The following KLF12 variants were observed in gnomAD, a reference collection of about 807,000 sequenced individuals.
KLF12 encodes KLF transcription factor 12.
In KLF12, 9 loss-of-function variants were observed where a neutral mutation model predicts 37.8. That is an observed-to-expected ratio of 0.24 (90% CI 0.14 to 0.42). The LOEUF (loss-of-function observed/expected upper bound fraction) is 0.42, where lower values mean the gene tolerates loss of function less well. Among genes scored for constraint, KLF12 ranks in the 10% least tolerant of loss-of-function variants. The pLI, the probability that KLF12 is intolerant of heterozygous loss-of-function variation, is 1.00. For synonymous variants in KLF12, 208 were observed against 202.1 expected, an observed-to-expected ratio of 1.03 and a Z score of -0.25; for missense variants, 411 against 516.0, an observed-to-expected ratio of 0.80 and a Z score of 1.97.
At chr13:74,130,120 G>A (rs1312871639) in intron 1 of KLF12, among the ~76,000 whole-genome samples, 1 of 152,184 alleles carries the variant, frequency 6.6e-6, no homozygotes, top group Admixed American at 6.5e-5. Context: ...GAGTGGTTGT[G>A]GTAGATGAGT....
At chr13:73,859,821 A>G (rs532780955) in intron 3 of KLF12, among the ~76,000 whole-genome samples, 24 of 152,294 alleles carry the variant, frequency 1.6e-4, no homozygotes, top group African/African-American at 5.8e-4. Flanking sequence ...GGAAAAAAAA[A>G]AATCCGAAAC....
chr13:74,278,323 A>T, the KLF12 span, among the ~76,000 whole-genome samples: 1 of 152,212 alleles, frequency 6.6e-6, no homozygotes, highest in Admixed American at 6.5e-5. Context: ...AGATGACCAG[A>T]AACAACAGCT....
chr13:74,183,489 C>A, the KLF12 span, among the ~76,000 whole-genome samples: 1 of 152,152 alleles, frequency 6.6e-6, no homozygotes. Context: ...TCAGAAAACA[C>A]TTTAATGTTC....
intron 1 of KLF12, among the ~76,000 whole-genome samples, chr13:74,025,316 C>CA (rs547339290): frequency 0.02 from 2,481 of 126,566 alleles, 48 homozygotes; most frequent in African/African-American, 0.05. Flanking sequence ...CATAATTCTA[C>CA]AAAAAAAAAA....
chr13:74,124,801 G>A (rs965599398), intron 1 of KLF12, among the ~76,000 whole-genome samples: 1 of 152,124 alleles, frequency 6.6e-6, no homozygotes, highest in African/African-American at 2.4e-5. Flanking sequence ...AATCACCACA[G>A]CTGCCAAAAT....
At chr13:74,005,460 G>A (rs533064307) in intron 1 of KLF12, among the ~76,000 whole-genome samples, 7 of 152,234 alleles carry the variant, frequency 4.6e-5, no homozygotes, top group Non-Finnish European at 8.8e-5. Context: ...AAAAAGGCTG[G>A]CAGCGGTATG....
At chr13:73,885,500 G>T (rs1200709594) in intron 3 of KLF12, among the ~76,000 whole-genome samples, 1 of 152,120 alleles carries the variant, frequency 6.6e-6, no homozygotes, top group Non-Finnish European at 1.5e-5. Flanking sequence ...ATTCACACTT[G>T]CCCTCATCAC....
chr13:73,903,990 C>CA (rs1185338103), intron 3 of KLF12, among the ~76,000 whole-genome samples: 2 of 152,144 alleles, frequency 1.3e-5, no homozygotes, highest in East Asian at 1.9e-4. Context: ...GCCCTGGTGC[C>CA]AAAAAAGGTG....
At chr13:73,810,974 TTTTC>T (rs1248945543) in intron 5 of KLF12, among the ~76,000 whole-genome samples, 3 of 117,240 alleles carry the variant, frequency 2.6e-5, no homozygotes, top group South Asian at 2.9e-4. Flanking sequence ...TTTTTTTAAT[TTTTC>T]TTTCTTTTTT....
At position 74,051,269 on chromosome 13, in the gene KLF12, G is replaced by T. The variant is rs542234700; in HGVS notation, c.-31-56216C>A. 1.4e-3 allele frequency among the ~76,000 whole-genome samples: 211 copies of T among 151,538 alleles called. 2 individuals are homozygous for T. Among genetic ancestry groups the T allele is most frequent in the African/African-American group, 4.9e-3 (203 of 41,298 alleles). ...TATTGCAGCAGTAATCACAATATTT[G>T]TAACCAAGCTAACTGTCCATCAATG... On this transcript the variant is annotated intron_variant, in intron 1 of 7. Transcript: ENST00000377669.
intron 4 of KLF12, among the ~76,000 whole-genome samples, chr13:73,825,079 AAC>A (rs201201045): frequency 0.013 from 1,874 of 145,464 alleles, 19 homozygotes; most frequent in African/African-American, 0.029. Flanking sequence ...CAAAAAAAAA[AAC>A]AATAGAAATA....
At chr13:73,996,907 C>A (rs183941243) in intron 1 of KLF12, among the ~76,000 whole-genome samples, 1 of 152,290 alleles carries the variant, frequency 6.6e-6, no homozygotes, top group Admixed American at 6.5e-5. Context: ...TGAAACTGAT[C>A]AGAGGTAAAT....
At chr13:74,252,779 C>T in the KLF12 span, among the ~76,000 whole-genome samples, 1 of 152,176 alleles carries the variant, frequency 6.6e-6, no homozygotes, top group African/African-American at 2.4e-5. Flanking sequence ...CCTTCTCTTC[C>T]CCATTCTTCC....
At chr13:74,022,743 C>T (rs1892874684) in intron 1 of KLF12, among the ~76,000 whole-genome samples, 1 of 151,642 alleles carries the variant, frequency 6.6e-6, no homozygotes, top group South Asian at 2.1e-4. Flanking sequence ...ACCACTCCAA[C>T]CCCCCCAACA....
chr13:74,082,413 A>G (rs1874970574), intron 1 of KLF12, among the ~76,000 whole-genome samples: 1 of 152,208 alleles, frequency 6.6e-6, no homozygotes, highest in Non-Finnish European at 1.5e-5. Flanking sequence ...TACTACTTAT[A>G]CTATAGGTAG....
intron 5 of KLF12, among the ~76,000 whole-genome samples, chr13:73,799,407 A>G (rs1199519759): frequency 6.6e-6 from 1 of 152,082 alleles, no homozygotes; most frequent in East Asian, 1.9e-4. Flanking sequence ...TGGAACCTAA[A>G]ATAAAAAGAA....
intron 1 of KLF12, among the ~76,000 whole-genome samples, chr13:74,032,243 A>G (rs1046491351): frequency 5.3e-5 from 8 of 152,218 alleles, no homozygotes; most frequent in Non-Finnish European, 8.8e-5. Context: ...CATTTCTAAC[A>G]GAAACTGAAG....
intron 6 of KLF12, among the ~76,000 whole-genome samples, chr13:73,725,007 C>T (rs181022004): frequency 3.9e-5 from 6 of 152,244 alleles, no homozygotes; most frequent in Admixed American, 2.0e-4. Context: ...CTAGAAAACT[C>T]GGATACAATA....
chr13:73,869,655 A>G (rs6562787), intron 3 of KLF12, among the ~76,000 whole-genome samples: 140,066 of 151,802 alleles, frequency 0.92, 64,949 homozygotes, highest in Non-Finnish European at 0.97. Flanking sequence ...CTGAGTATAT[A>G]TAATATACTC....
Sources: gnomAD v4.1 joint callset for allele counts (sites outside exome capture counted in the v4.1 genomes callset) on GRCh38, gnomAD v4.1.1 for gene constraint, MANE v1.5 for transcripts, NCBI Gene and HGNC (gene_info 2026-07-23, HGNC 2026-07-21) for gene names.